ITGAE: variants seen among roughly 807,000 people sequenced by gnomAD.
ITGAE encodes integrin subunit alpha E, also known as integrin alpha-E.
Under a neutral mutation model 136.5 loss-of-function variants are expected in ITGAE, and 99 were observed. The ratio of observed to expected loss-of-function variants is 0.73; its 90% CI spans 0.62 to 0.86. The LOEUF is 0.86. ITGAE is among the 40% of genes least tolerant of loss of function. ITGAE has a pLI of 0.00. For synonymous variants in ITGAE, 613 were observed against 591.8 expected (o/e 1.04, Z -0.52); for missense variants, 1,447 against 1,515.3 (o/e 0.95, Z 0.75).
At chr17:3,795,091 CTCAG>C (rs1355799633) in intron 1 of ITGAE, among the ~76,000 whole-genome samples, 1 of 152,190 alleles carries the variant, frequency 6.6e-6, no homozygotes, top group African/African-American at 2.4e-5. Flanking sequence ...CCAATCCAGA[CTCAG>C]TCAGAGTAAC....
Position 3,723,358 on chromosome 17 carries a change from C to T in ITGAE, c.3167G>A (p.Ser1056Asn), listed in dbSNP as rs370827659. 3.1e-6 allele frequency: 5 copies of T among 1,613,536 alleles called. No individual in the cohort carries two copies. Among genetic ancestry groups the T allele is most frequent in the Admixed American group, 1.7e-5 (1 of 60,016 alleles). ...TTCTTTATCTGAAGCGATGACACAG[C>T]TCACTGAATGCCATTCTTCCACATG... ...VQHVEEWHSVSCVIASDKENV... is the reference protein window; with the variant it reads ...VQHVEEWHSVNCVIASDKENV... Residue 1056 changes from serine (S) to asparagine (N), a missense_variant, in exon 28 of 31, where the codon AGC becomes AAC. By Grantham distance (46) the Ser-to-Asn change is conservative. This residue lies in a region of ITGAE where 1,031 missense variants were observed against 1,011.4 expected (regional missense o/e 1.02). Coordinates refer to ENST00000263087, the MANE Select transcript of ITGAE (RefSeq NM_002208.5).
chr17:3,723,582 C>T, intron 27 of ITGAE, 106 bp downstream of exon 27: 3 of 1,235,700 alleles, frequency 2.4e-6, no homozygotes, highest in South Asian at 2.9e-5. Flanking sequence ...TGGCAGCCCC[C>T]GGCACTGGCC....
intron 16 of ITGAE, among the ~76,000 whole-genome samples, chr17:3,748,309 G>A (rs566869266): frequency 2.4e-4 from 37 of 152,326 alleles, no homozygotes; most frequent in African/African-American, 8.7e-4. Context: ...ACTGTTGGCC[G>A]AGTGCGGTGG....
At chr17:3,758,023 G>C (rs2052072246) in intron 8 of ITGAE, among the ~76,000 whole-genome samples, 164 bp from the exon 9 acceptor site, 1 of 152,186 alleles carries the variant, frequency 6.6e-6, no homozygotes, top group African/African-American at 2.4e-5. Context: ...CAGCGAGGCT[G>C]GGCAGAGGGA....
At chr17:3,789,778 GGCGTGA>G (rs2052895224) in intron 1 of ITGAE, among the ~76,000 whole-genome samples, 4 of 152,142 alleles carry the variant, frequency 2.6e-5, no homozygotes, top group Non-Finnish European at 5.9e-5. Flanking sequence ...TGGGATTTCA[GGCGTGA>G]GCCACCTCAC....
intron 26 of ITGAE, chr17:3,724,470 TC>T: frequency 6.2e-7 from 1 of 1,613,592 alleles, no homozygotes; most frequent in Non-Finnish European, 8.5e-7. Flanking sequence ...CTGCCCCGGG[TC>T]CCCAACGCCA....
At chr17:3,739,725 G>T in intron 20 of ITGAE, 80 bp downstream of exon 20, 1 of 1,158,226 alleles carries the variant, frequency 8.6e-7, no homozygotes, top group South Asian at 1.2e-5. Flanking sequence ...GGATGTGCAG[G>T]GTGTCCTAAT....
In ITGAE at chr17:3,760,273, T is replaced by TG. The variant is rs752424150; in HGVS notation, c.612dup (p.Ile205HisfsTer10). On this transcript the variant is annotated frameshift_variant, in exon 7 of 31. Coordinates refer to ENST00000263087, the MANE Select transcript of ITGAE (RefSeq NM_002208.5). LOFTEE classifies it high-confidence loss of function. ...ATGCTTCCTGAGCCATCCAGGATGA[T>TG]GGCAATCTCGGTGCCTGGCCAAGAC... 6.2e-7 allele frequency: 1 copy of TG among 1,612,726 alleles called. No individual in the cohort carries two copies. Among genetic ancestry groups the TG allele is most frequent in the African/African-American group, 1.3e-5 (1 of 74,798 alleles).
chr17:3,746,156 A>C (rs1483825066), intron 17 of ITGAE, among the ~76,000 whole-genome samples: 1 of 152,184 alleles, frequency 6.6e-6, no homozygotes, highest in Non-Finnish European at 1.5e-5. Flanking sequence ...GGAGCAGCAC[A>C]TTCCCAGGAC....
intron 2 of ITGAE, among the ~76,000 whole-genome samples, chr17:3,766,082 G>A (rs78363295): frequency 6.3e-4 from 96 of 152,328 alleles, no homozygotes; most frequent in Non-Finnish European, 1.2e-3. Flanking sequence ...GGTGGGCTCA[G>A]TGAAATCACA....
chr17:3,727,116 A>G (rs955636462), intron 26 of ITGAE, among the ~76,000 whole-genome samples: 19 of 108,334 alleles, frequency 1.8e-4, no homozygotes, highest in Middle Eastern at 4.9e-3. Context: ...TAGTCTGAGC[A>G]AAAAAAAAAT....
chr17:3,797,693 A>G (rs2053155311), intron 1 of ITGAE, among the ~76,000 whole-genome samples: 1 of 147,056 alleles, frequency 6.8e-6, no homozygotes, highest in Admixed American at 6.7e-5. Flanking sequence ...ACTCCTGATC[A>G]CAAGTGCTCT....
chr17:3,760,162 G>A lies in ITGAE; in HGVS notation c.714+10C>T, dbSNP rs139396378. The A allele has an allele frequency of 6.5e-3, 9,951 of 1,526,154 alleles. 47 individuals are homozygous for A. Among genetic ancestry groups the A allele is most frequent in the Non-Finnish European group, 8.3e-3 (9,148 of 1,100,070 alleles). The allele number at this position is 1,526,154 out of a possible 1,614,324, so 94.5% of individuals were successfully genotyped here. On this transcript the variant is annotated intron_variant, in intron 7 of 30. Coordinates refer to ENST00000263087, the MANE Select transcript of ITGAE (RefSeq NM_002208.5). ...TAGATAAGTGTTAACCAGCTCTTAG[G>A]GAAGCCCACCTCAAAACACTTTTCA...
chr17:3,786,024 G>A (rs11653180), intron 1 of ITGAE, among the ~76,000 whole-genome samples: 5,199 of 151,908 alleles, frequency 0.034, 159 homozygotes, highest in East Asian at 0.13. Flanking sequence ...AAAATTAGCC[G>A]GGCGTGGTGG....
intron 1 of ITGAE, 101 bp downstream of exon 1, chr17:3,801,010 T>C: frequency 2.2e-6 from 3 of 1,358,722 alleles, no homozygotes; most frequent in Non-Finnish European, 3.1e-6. Flanking sequence ...TGGCTCTAAC[T>C]GAGCCCCATC....
chr17:3,727,768 T>C (rs1430797428), intron 26 of ITGAE, 151 bp downstream of exon 26: 7 of 624,178 alleles, frequency 1.1e-5, no homozygotes, highest in Non-Finnish European at 2.0e-5. Flanking sequence ...TGATTGAGAG[T>C]CCTTCTGAAC....
rs1243116177 is a variant in ITGAE at position 3,788,714 on chromosome 17, AAAT to A, written c.35-11057_35-11055del. Among the ~76,000 whole-genome samples the A allele has an allele frequency of 4.2e-3, 616 of 146,418 alleles. 1 individual carries two copies. The highest frequency in any genetic ancestry group is 0.015 in the African/African-American group (590 of 40,380). On this transcript the variant is annotated intron_variant, in intron 1 of 30. Transcript: ENST00000263087. ...TCTACATTAAAAATAATAATTATTA[AAAT>A]AATTATTTAAAAATAATAATTATTA... is the stretch of plus-strand genomic sequence containing the variant.
chr17:3,747,286 C>G (rs142708443), intron 17 of ITGAE, among the ~76,000 whole-genome samples: 7 of 151,444 alleles, frequency 4.6e-5, no homozygotes, highest in Non-Finnish European at 7.4e-5. Flanking sequence ...CACGCACACA[C>G]GTGGGCATGG....
chr17:3,730,768 C>T (rs1168122192), intron 23 of ITGAE, among the ~76,000 whole-genome samples: 1 of 152,162 alleles, frequency 6.6e-6, no homozygotes, highest in Non-Finnish European at 1.5e-5. Flanking sequence ...CAGCAGCGTT[C>T]CCCACCTTAC....
Sources: allele counts gnomAD v4.1 joint callset (sites outside exome capture counted in the v4.1 genomes callset), GRCh38; gene constraint gnomAD v4.1.1; regional missense constraint gnomAD v4.1.1; transcripts MANE v1.5; gene names NCBI Gene and HGNC (gene_info 2026-07-23, HGNC 2026-07-21).